The following DFFA variants were observed in gnomAD, a reference collection of about 807,000 sequenced individuals.
DFFA encodes the protein DNA fragmentation factor subunit alpha, also known as DFF45.
Under a neutral mutation model 28.0 loss-of-function variants are expected in DFFA, and 14 were observed. The ratio of observed to expected loss-of-function variants is 0.50; its 90% CI spans 0.33 to 0.78. The LOEUF (loss-of-function observed/expected upper bound fraction) is 0.78. Ranked by LOEUF, DFFA falls within the 30% of genes least tolerant of loss-of-function variation. The pLI, the probability that DFFA is intolerant of heterozygous loss-of-function variation, is 0.02. For synonymous variants in DFFA, 158 were observed against 170.3 expected, an observed-to-expected ratio of 0.93 and a Z score of 0.56; for missense variants, 395 against 407.1, an observed-to-expected ratio of 0.97 and a Z score of 0.26.
Position 10,467,181 on chromosome 1 carries a change from A to C in DFFA, c.441+9T>G, listed in dbSNP as rs1570107881. ...TGAACATTGTTGCAGGTTGTGGAGGAGGCTTTACCTGGAGGTCCTCCTCTG... is the reference window on the plus strand; with the variant it reads ...TGAACATTGTTGCAGGTTGTGGAGGCGGCTTTACCTGGAGGTCCTCCTCTG... On this transcript the variant is annotated intron_variant, in intron 3 of 5. Transcript: ENST00000377038. The C allele has an allele frequency of 1.9e-6, 3 of 1,613,816 alleles. No homozygotes were observed. Among genetic ancestry groups the C allele is most frequent in the Non-Finnish European group, 2.5e-6 (3 of 1,179,950 alleles).
At chr1:10,465,518 C>T (rs1641008669) in intron 3 of DFFA, among the ~76,000 whole-genome samples, 1 of 152,020 alleles carries the variant, frequency 6.6e-6, no homozygotes, top group Non-Finnish European at 1.5e-5. Context: ...CCCTCCTCAG[C>T]CTCCCAAAGT....
chr1:10,460,831 CT>C lies in DFFA; in HGVS notation c.*658del, dbSNP rs34172830. The C allele has an allele frequency of 1.4e-3, 192 of 136,746 alleles. No homozygotes were observed. Among genetic ancestry groups the C allele is most frequent in the Middle Eastern group, 4.0e-3 (1 of 248 alleles). The allele number at this position is 136,746 out of a possible 1,614,324, so 8.5% of individuals were successfully genotyped here. On this transcript the variant is annotated 3_prime_UTR_variant, in exon 6 of 6. Transcript: ENST00000377038. ...GCGTGAGCCAACACGCTCGGCCTGG[CT>C]TTTTTTTTTTTTAACATGTTCCATA...
chr1:10,456,864 TCTCA>T lies in DFFA; in HGVS notation c.*4622_*4625del, dbSNP rs1274434128. 1 of 152,246 alleles carries T rather than the reference TCTCA, an allele frequency of 6.6e-6. No homozygotes were observed. Among genetic ancestry groups the T allele is most frequent in the Non-Finnish European group, 1.5e-5 (1 of 68,052 alleles). 9.4% of individuals were successfully genotyped at this position (152,246 alleles called of 1,614,324 possible). ...ACAAGAACGGGCATGCCCTGCCCTCTCTCACTCCTATTTTTAGACGTATTGCTGC... is the reference window on the plus strand; with the variant it reads ...ACAAGAACGGGCATGCCCTGCCCTCTCTCCTATTTTTAGACGTATTGCTGC... On this transcript the variant is annotated 3_prime_UTR_variant, in exon 6 of 6. Transcript: ENST00000377038.
chr1:10,467,965 C>T (rs534534774), intron 2 of DFFA, among the ~76,000 whole-genome samples: 19 of 152,282 alleles, frequency 1.2e-4, no homozygotes, highest in African/African-American at 2.2e-4. Context: ...TATACGAAAA[C>T]GGTCATTTGT....
Position 10,472,302 on chromosome 1 carries a change from C to CG in DFFA, c.136+20dup, listed in dbSNP as rs778172871. 6.4e-6 allele frequency: 10 copies of CG among 1,564,200 alleles called. No individual in the cohort carries two copies. Among genetic ancestry groups the CG allele is most frequent in the African/African-American group, 2.7e-5 (2 of 73,138 alleles). ...CCCGGCCCTGGCTCCCCCACACCCTCGCCCGGGGTCCCGAGCCAACCCTTG... is the reference window on the plus strand; with the variant it reads ...CCCGGCCCTGGCTCCCCCACACCCTCGGCCCGGGGTCCCGAGCCAACCCTTG... On this transcript the variant is annotated intron_variant, in intron 1 of 5. Transcript: ENST00000377038. This position sits in a 1 kb window ranked among gnomAD's most constrained non-coding sequence, Gnocchi z 5.0.
At chr1:10,462,514 T>C (rs188176909) in intron 5 of DFFA, 1 of 989,914 alleles carries the variant, frequency 1.0e-6, no homozygotes, top group Admixed American at 5.7e-5. Context: ...TCCTCCACCT[T>C]CAGGAAATTT....
chr1:10,467,781 G>T (rs577391533), intron 2 of DFFA, among the ~76,000 whole-genome samples: 1 of 152,240 alleles, frequency 6.6e-6, no homozygotes, highest in East Asian at 1.9e-4. Flanking sequence ...AAAGTGCTGG[G>T]ATTACAGGCA....
At chr1:10,465,571 T>G (rs937456631) in intron 3 of DFFA, among the ~76,000 whole-genome samples, 1 of 152,214 alleles carries the variant, frequency 6.6e-6, no homozygotes, top group South Asian at 2.1e-4. Flanking sequence ...GGCTGTATTT[T>G]TAGTAAAGAC....
intron 3 of DFFA, 127 bp downstream of exon 3, chr1:10,467,063 T>A: frequency 8.7e-7 from 1 of 1,149,640 alleles, no homozygotes; most frequent in Non-Finnish European, 1.2e-6. Context: ...AGTTGTAATT[T>A]AAGAATTATT....
Position 10,467,279 on chromosome 1 carries a change from T to A in DFFA, c.352A>T (p.Ser118Cys). ...TTCTTCCACTTCAACCCTGCCCCGC[T>A]GTCTGTTTCATCTACATCAAAGGAC... ...QESFDVDETD[S>C]GAGLKWKNVA... The change falls in exon 3 of 6, where the codon AGC becomes TGC. Residue 118 changes from serine (S) to cysteine (C), a missense_variant. Transcript: ENST00000377038. The A allele has an allele frequency of 6.2e-7, 1 of 1,614,174 alleles. No individual in the cohort carries two copies. Among genetic ancestry groups the A allele is most frequent in the South Asian group, 1.1e-5 (1 of 91,086 alleles).
rs984993817 is a variant in DFFA, at chr1:10,458,523, G to A, written c.*2967C>T. The A allele has an allele frequency of 7.0e-6, 1 of 143,006 alleles. No homozygotes were observed. The highest frequency in any genetic ancestry group is 2.6e-5 in the African/African-American group (1 of 38,648). The allele number at this position is 143,006 out of a possible 1,614,324, so 8.9% of individuals were successfully genotyped here. On this transcript the variant is annotated 3_prime_UTR_variant, in exon 6 of 6. Transcript: ENST00000377038. ...TTCTGTACCCCCATCTTTACCCTAG[G>A]ACTTATTGTGATTTTCTTTTTTTTT...
rs1303433546 is a variant in DFFA, at chr1:10,460,848, A to T, written c.*642T>A. 7.0e-6 allele frequency: 1 copy of T among 142,254 alleles called. No individual in the cohort carries two copies. The highest frequency in any genetic ancestry group is 1.5e-5 in the Non-Finnish European group (1 of 65,458). The allele number at this position is 142,254 out of a possible 1,614,324, so 8.8% of individuals were successfully genotyped here. ...CGGCCTGGCTTTTTTTTTTTTTAAC[A>T]TGTTCCATATGGGGCAGGGCTAAAT... On this transcript the variant is annotated 3_prime_UTR_variant, in exon 6 of 6. Coordinates refer to ENST00000377038, the MANE Select transcript of DFFA (RefSeq NM_004401.3).
chr1:10,469,330 T>G lies in DFFA; in HGVS notation c.145A>C (p.Ile49Leu). ...GTCAGGGACTTATCAATGGCCAGAA[T>G]GTCACAGGCTGAAAAGAATAAAATA... ...LEDLRSKACD[I>L]LAIDKSLTPV... The change falls in exon 2 of 6, where the codon ATT becomes CTT. Residue 49 changes from isoleucine (I) to leucine (L), a missense_variant. Physicochemically the swap from Ile to Leu is conservative, Grantham distance 5. Coordinates refer to ENST00000377038, the MANE Select transcript of DFFA (RefSeq NM_004401.3). 1 of 1,613,198 alleles carries G rather than the reference T, an allele frequency of 6.2e-7. No individual in the cohort carries two copies. The highest frequency in any genetic ancestry group is 2.2e-5 in the East Asian group (1 of 44,876).
chr1:10,466,308 C>T (rs751286066), intron 3 of DFFA, among the ~76,000 whole-genome samples: 4 of 152,062 alleles, frequency 2.6e-5, no homozygotes, highest in Admixed American at 6.5e-5. Flanking sequence ...CTCAGCATCC[C>T]GAGTAGCTGG....
At chr1:10,471,814 G>A (rs959926402) in intron 1 of DFFA, among the ~76,000 whole-genome samples, 1 of 152,190 alleles carries the variant, frequency 6.6e-6, no homozygotes. Context: ...AGCTGGTAAA[G>A]GTATGGGGCC....
chr1:10,463,190 A>C lies in DFFA; in HGVS notation c.651T>G (p.Gly217=). 6.2e-7 allele frequency: 1 copy of C among 1,614,064 alleles called. No individual in the cohort carries two copies. The highest frequency in any genetic ancestry group is 8.5e-7 in the Non-Finnish European group (1 of 1,180,002). Residue 217 remains glycine (G), a synonymous_variant, in exon 5 of 6, where the codon GGT becomes GGG. Transcript: ENST00000377038. ...CCGTGTCTACTGCATCCACCTCCTC[A>C]CCAAAGGCAGCTTTGGACTCTGCAA... ...SKQEESKAAF[G]EEVDAVDTGI... is the part of the protein sequence containing the mutation.
At chr1:10,464,905 G>C (rs1197406986) in intron 3 of DFFA, among the ~76,000 whole-genome samples, 1 of 152,012 alleles carries the variant, frequency 6.6e-6, no homozygotes, top group Non-Finnish European at 1.5e-5. Flanking sequence ...TGGCTTGTTC[G>C]CCACTGCACA....
At chr1:10,470,106 G>A (rs1006281723) in intron 1 of DFFA, among the ~76,000 whole-genome samples, 4 of 151,884 alleles carry the variant, frequency 2.6e-5, no homozygotes, top group Middle Eastern at 3.2e-3. Context: ...GAGCAACCGC[G>A]CCTGGCCTAA....
chr1:10,465,114 G>C (rs1472064550), intron 3 of DFFA, among the ~76,000 whole-genome samples: 3 of 152,022 alleles, frequency 2.0e-5, no homozygotes, highest in African/African-American at 7.2e-5. Flanking sequence ...TATTTTTTTT[G>C]AGACTGAGTC....
Sources: allele counts gnomAD v4.1 joint callset (sites outside exome capture counted in the v4.1 genomes callset), GRCh38; gene constraint gnomAD v4.1.1; non-coding constraint Gnocchi (gnomAD v3.1); transcripts MANE v1.5; gene names NCBI Gene and HGNC (gene_info 2026-07-23, HGNC 2026-07-21).